The following FAM13B variants were observed in gnomAD, a reference collection of about 807,000 sequenced individuals.
FAM13B encodes the protein protein FAM13B.
A neutral mutation model predicts 117.3 loss-of-function variants in FAM13B; 60 were observed. That is an observed-to-expected ratio of 0.51 (90% CI 0.42 to 0.63). The LOEUF (loss-of-function observed/expected upper bound fraction) is 0.63. Ranked by LOEUF, FAM13B falls within the 30% of genes least tolerant of loss-of-function variation. The pLI, the probability that FAM13B is intolerant of heterozygous loss-of-function variation, is 0.00. For missense variants in FAM13B, 972 were observed against 1,091.9 expected, an observed-to-expected ratio of 0.89 and a Z score of 1.55; for synonymous variants, 332 against 356.1, an observed-to-expected ratio of 0.93 and a Z score of 0.76.
intron 10 of FAM13B, among the ~76,000 whole-genome samples, chr5:137,972,623 G>C (rs1772572727): frequency 6.6e-6 from 1 of 152,058 alleles, no homozygotes; most frequent in Non-Finnish European, 1.5e-5. Flanking sequence ...AATTAGGCAG[G>C]AGAAGGAAAT....
At chr5:138,045,557 T>C (rs957834291) in intron 1 of FAM13B, among the ~76,000 whole-genome samples, 1 of 151,582 alleles carries the variant, frequency 6.6e-6, no homozygotes, top group African/African-American at 2.4e-5. Flanking sequence ...AAAAAAAGGA[T>C]GAATAAACTT....
At position 137,942,788 on chromosome 5, in the gene FAM13B, A is replaced by G. The variant is rs1032161697; in HGVS notation, c.2588+87T>C. ...TAAATTCTTGATTCATCTCCTATTA[A>G]TTCCTTAATACTCATTTAACATCAA... On this transcript the variant is annotated intron_variant, in intron 22 of 23. Coordinates refer to ENST00000689681, the MANE Select transcript of FAM13B (RefSeq NM_001385994.1). The G allele has an allele frequency of 1.1e-5, 13 of 1,158,716 alleles. No individual in the cohort carries two copies. The Admixed American group carries it at 2.6e-4, about 23-fold the overall frequency. The allele number at this position is 1,158,716 out of a possible 1,614,324, so 71.8% of individuals were successfully genotyped here.
chr5:138,040,037 A>C (rs1809323), intron 1 of FAM13B: 148,729 of 151,662 alleles, frequency 0.98, 72,987 homozygotes, highest in East Asian at 1. Context: ...GAGGCCGAGG[A>C]AGGCGGATCA....
chr5:138,014,940 G>C (rs565209934), intron 4 of FAM13B, among the ~76,000 whole-genome samples: 12 of 152,306 alleles, frequency 7.9e-5, no homozygotes, highest in Admixed American at 4.6e-4. Context: ...GTATGTATCA[G>C]AGAAGTTTCC....
intron 1 of FAM13B, among the ~76,000 whole-genome samples, chr5:138,048,341 AG>A (rs1383515569): frequency 6.6e-6 from 1 of 152,262 alleles, no homozygotes; most frequent in Non-Finnish European, 1.5e-5. Context: ...AAAACACTAA[AG>A]AAAAATAATA....
Position 137,993,588 on chromosome 5 carries a change from C to T in FAM13B, c.849-5273G>A, listed in dbSNP as rs376174739. On this transcript the variant is annotated intron_variant, in intron 7 of 23. Transcript: ENST00000689681. ...TTGAGGTCAAGAGTTCGAGAGCAGC[C>T]GGGCCTACAAGATGAAACCTCGTAT... Among the ~76,000 whole-genome samples, 4 of 151,484 alleles carry T rather than the reference C, an allele frequency of 2.6e-5. No individual in the cohort carries two copies. In the East Asian group the frequency reaches 5.8e-4, roughly 22 times the overall value.
chr5:137,956,961 C>T (rs988753378), intron 13 of FAM13B, among the ~76,000 whole-genome samples: 1 of 152,212 alleles, frequency 6.6e-6, no homozygotes, highest in African/African-American at 2.4e-5. Context: ...ATGGTATCCA[C>T]TTCCATTAAA....
At chr5:137,987,332 A>C in intron 9 of FAM13B, 129 bp downstream of exon 9, 1 of 758,986 alleles carries the variant, frequency 1.3e-6, no homozygotes, top group Non-Finnish European at 2.1e-6. Flanking sequence ...TATATATACA[A>C]AGTCACTTTT....
chr5:137,999,104 C>CTTTTTTTTTTTTTTTTTTTTTTTTTTT (rs397962950), intron 7 of FAM13B, among the ~76,000 whole-genome samples: 1 of 139,786 alleles, frequency 7.2e-6, no homozygotes. Flanking sequence ...CCTTCAGGGT[C>CTTTTTTTTTTTTTTTTTTTTTTTTTTT]TTTTTTTTTT....
At chr5:137,952,983 C>G (rs1225769929) in intron 16 of FAM13B, among the ~76,000 whole-genome samples, 4 of 152,198 alleles carry the variant, frequency 2.6e-5, no homozygotes, top group Non-Finnish European at 4.4e-5. Context: ...CTTTCCCCTC[C>G]TCCACTCCAT....
chr5:137,948,476 C>T (rs1472997677), intron 18 of FAM13B, among the ~76,000 whole-genome samples: 1 of 152,022 alleles, frequency 6.6e-6, no homozygotes, highest in Non-Finnish European at 1.5e-5. Context: ...CACTGCAGTC[C>T]TAATCTCCCG....
At chr5:138,033,090 G>GGCCGGGCCGGAC, upstream of FAM13B, 1 of 985,012 alleles carries the variant, frequency 1.0e-6, no homozygotes, top group Non-Finnish European at 1.2e-6. Context: ...GGCGGGCGGA[G>GGCCGGGCCGGAC]GCCGGGCCGG....
chr5:138,045,877 A>C (rs1791626129), intron 1 of FAM13B, among the ~76,000 whole-genome samples: 1 of 151,760 alleles, frequency 6.6e-6, no homozygotes, highest in African/African-American at 2.4e-5. Flanking sequence ...CCCAGGAGGC[A>C]GAGGTTGCAG....
chr5:137,962,366 T>G (rs1279898961), intron 11 of FAM13B, 39 bp downstream of exon 11: 1 of 1,584,884 alleles, frequency 6.3e-7, no homozygotes, highest in African/African-American at 1.3e-5. Flanking sequence ...GAGCTCCAAT[T>G]CTCAAAATGA....
chr5:137,971,900 A>G (rs1772298450), intron 10 of FAM13B, among the ~76,000 whole-genome samples: 1 of 152,238 alleles, frequency 6.6e-6, no homozygotes, highest in South Asian at 2.1e-4. Context: ...CACTCTCCCA[A>G]GACTAAACCA....
rs149943500 is a variant in FAM13B, at chr5:137,956,236, G to A, written c.1507+241C>T. 6.6e-4 allele frequency among the ~76,000 whole-genome samples: 100 copies of A among 152,274 alleles called. 1 individual carries two copies. The highest frequency in any genetic ancestry group is 2.3e-3 in the African/African-American group (94 of 41,554). On this transcript the variant is annotated intron_variant, in intron 14 of 23. Transcript: ENST00000689681. ...ATCCCACAATAAACCCAACAATAAA[G>A]TGATTTTCAAAGCAACCCTTGTACC... is the stretch of plus-strand genomic sequence containing the variant.
rs575631145 is a variant in FAM13B at position 137,964,175 on chromosome 5, A to C, written c.1180-1706T>G. Among the ~76,000 whole-genome samples the C allele has an allele frequency of 5.3e-5, 8 of 152,290 alleles. No homozygotes were observed. In the South Asian group the frequency reaches 1.7e-3, roughly 32 times the overall value. ...TGGGTTCAAGCGATTCTCCTGCCTC[A>C]GCCTCCCGAGTAGCTGGGACTACAG... On this transcript the variant is annotated intron_variant, in intron 10 of 23. Coordinates refer to ENST00000689681, the MANE Select transcript of FAM13B (RefSeq NM_001385994.1).
chr5:138,041,505 GATAAA>G (rs1251196898), intron 1 of FAM13B, among the ~76,000 whole-genome samples: 1 of 152,030 alleles, frequency 6.6e-6, no homozygotes. Flanking sequence ...TTATTAGGGG[GATAAA>G]ATAAAATAGG....
chr5:138,016,778 T>A (rs897822933), intron 4 of FAM13B, among the ~76,000 whole-genome samples: 2 of 152,198 alleles, frequency 1.3e-5, no homozygotes, highest in Admixed American at 6.5e-5. Flanking sequence ...AAATTTTCAT[T>A]CAGGACTGAA....
Sources: allele counts gnomAD v4.1 joint callset (sites outside exome capture counted in the v4.1 genomes callset), GRCh38; gene constraint gnomAD v4.1.1; transcripts MANE v1.5; gene names NCBI Gene and HGNC (gene_info 2026-07-23, HGNC 2026-07-21).